Variants in TEX101 observed in about 807,000 individuals in gnomAD.
TEX101 encodes testis expressed 101.
TEX101 carries 10 observed loss-of-function variants against 18.1 expected under a neutral mutation model. That is an observed-to-expected ratio of 0.55 (90% CI 0.34 to 0.94). TEX101 has a LOEUF of 0.94. Among genes scored for constraint, TEX101 ranks in the 40% least tolerant of loss-of-function variants. The pLI is 0.02. For missense variants in TEX101, 259 were observed against 298.9 expected (o/e 0.87, Z 0.98); for synonymous variants, 94 against 114.8 (o/e 0.82, Z 1.16).
rs1970478792 is a variant in TEX101, at chr19:43,416,420, G to C, written c.256G>C (p.Glu86Gln). 1.9e-6 allele frequency: 3 copies of C among 1,614,162 alleles called. No individual in the cohort carries two copies. Among genetic ancestry groups the C allele is most frequent in the Non-Finnish European group, 2.5e-6 (3 of 1,180,022 alleles). Residue 86 changes from glutamate to glutamine, a missense_variant, in exon 4 of 6, where the codon GAG becomes CAG. Physicochemically the swap from Glu to Gln is conservative, Grantham distance 29 (BLOSUM62 2). Coordinates refer to ENST00000598265, the MANE Select transcript of TEX101 (RefSeq NM_001130011.3). ...LATKGCIPEG[E>Q]EAITIVQHSS... is the part of the protein sequence containing the mutation. ...CACGAAGGGCTGCATCCCGGAAGGGGAGGAGGCCATAACAATTGTCCAGCA... is the reference window on the plus strand; with the variant it reads ...CACGAAGGGCTGCATCCCGGAAGGGCAGGAGGCCATAACAATTGTCCAGCA...
chr19:43,417,936 C>T lies in TEX101; in HGVS notation c.450C>T (p.Phe150=). 1 of 1,614,180 alleles carries T rather than the reference C, an allele frequency of 6.2e-7. No homozygotes were observed. Among genetic ancestry groups the T allele is most frequent in the South Asian group, 1.1e-5 (1 of 91,078 alleles). ...CCTGTGTGGCTTTGGGGACCTGTTT[C>T]AGTGCTCCTTCTCTTCCCTGTCCCA... The part of the protein sequence containing the change: ...CPTCVALGTC[F]SAPSLPCPNG... The change falls in exon 5 of 6, where the codon TTC becomes TTT. Residue 150 remains phenylalanine (F), a synonymous_variant. Transcript: ENST00000598265.
At chr19:43,404,779 C>T (rs1298627388) in intron 2 of TEX101, among the ~76,000 whole-genome samples, 1 of 150,804 alleles carries the variant, frequency 6.6e-6, no homozygotes. Flanking sequence ...TATATATATA[C>T]TTAAGTTGTG....
chr19:43,415,777 A>C (rs950186839), intron 1 of TEX101, 104 bp from the exon 2 acceptor site: 50 of 967,590 alleles, frequency 5.2e-5, no homozygotes, highest in Non-Finnish European at 7.4e-5. Context: ...AAAAAAATGC[A>C]GATTAAAACA....
At chr19:43,405,789 G>A (rs1970355930) in intron 2 of TEX101, among the ~76,000 whole-genome samples, 1 of 151,474 alleles carries the variant, frequency 6.6e-6, no homozygotes, top group Non-Finnish European at 1.5e-5. Flanking sequence ...GGTGGCATGT[G>A]CTGTAATCCC....
At chr19:43,396,385 C>T in the TEX101 span, among the ~76,000 whole-genome samples, 1 of 152,200 alleles carries the variant, frequency 6.6e-6, no homozygotes, top group Non-Finnish European at 1.5e-5. Flanking sequence ...TTCCTTAAAA[C>T]AACTCACTGT....
At chr19:43,400,231 T>C (rs1970307796), upstream of TEX101, among the ~76,000 whole-genome samples, 1 of 152,214 alleles carries the variant, frequency 6.6e-6, no homozygotes, top group Non-Finnish European at 1.5e-5. Context: ...CAGGCATGTC[T>C]CCAAGGAGTC....
At chr19:43,401,779 G>A (rs939181798) in intron 1 of TEX101, among the ~76,000 whole-genome samples, 1 of 152,080 alleles carries the variant, frequency 6.6e-6, no homozygotes, top group Non-Finnish European at 1.5e-5. Flanking sequence ...CTTGAACCCG[G>A]GAGGCGGTAA....
upstream of TEX101, among the ~76,000 whole-genome samples, chr19:43,414,022 G>A (rs1568457997): frequency 6.6e-6 from 1 of 151,996 alleles, no homozygotes; most frequent in Admixed American, 6.6e-5. Flanking sequence ...TACCTGGGAG[G>A]CTGTGGTAGG....
At position 43,418,313 on chromosome 19, in the gene TEX101, TG is replaced by T; in HGVS notation, c.670del (p.Ala224ProfsTer55). On this transcript the variant is annotated frameshift_variant, in exon 6 of 6. Transcript: ENST00000598265. LOFTEE classifies it low-confidence loss of function (END_TRUNC). ...LLTQPRKTEN[G>X]ATCLPIPVWG... is the part of the protein sequence containing the mutation. ...TCACTCAACCTCGAAAGACTGAAAATGGGGCCACCTGTCTTCCCATTCCTGT... is the reference window on the plus strand; with the variant it reads ...TCACTCAACCTCGAAAGACTGAAAATGGGCCACCTGTCTTCCCATTCCTGT... 6.2e-7 allele frequency: 1 copy of T among 1,614,140 alleles called. No homozygotes were observed. Among genetic ancestry groups the T allele is most frequent in the Non-Finnish European group, 8.5e-7 (1 of 1,180,020 alleles).
At chr19:43,390,910 G>A in the TEX101 span, among the ~76,000 whole-genome samples, 20 of 151,366 alleles carry the variant, frequency 1.3e-4, no homozygotes, top group African/African-American at 4.4e-4. Flanking sequence ...TCCTCTTTCC[G>A]CCTCCCTCCA....
At chr19:43,413,029 A>T (rs1048647104), upstream of TEX101, among the ~76,000 whole-genome samples, 4 of 152,162 alleles carry the variant, frequency 2.6e-5, no homozygotes, top group African/African-American at 9.7e-5. Context: ...AAGTAATAAT[A>T]ATAACAGCAA....
At chr19:43,392,059 G>A in the TEX101 span, among the ~76,000 whole-genome samples, 2 of 152,172 alleles carry the variant, frequency 1.3e-5, no homozygotes, top group African/African-American at 4.8e-5. Flanking sequence ...CAGAGAGACT[G>A]AGAAACACAC....
chr19:43,408,091 C>T (rs1445610292), intron 3 of TEX101, among the ~76,000 whole-genome samples: 2 of 152,240 alleles, frequency 1.3e-5, no homozygotes, highest in Non-Finnish European at 2.9e-5. Context: ...CCCATACCCC[C>T]ACCCCGGCCT....
chr19:43,390,438 CTCTTT>C, the TEX101 span, among the ~76,000 whole-genome samples: 16 of 87,302 alleles, frequency 1.8e-4, no homozygotes, highest in African/African-American at 6.0e-4. Context: ...TTCTTTTCTT[CTCTTT>C]TCTTTTCTTT....
chr19:43,406,438 T>G (rs1970363800), exon 3 of TEX101: 1 of 760,188 alleles, frequency 1.3e-6, no homozygotes, highest in Non-Finnish European at 2.4e-6. Context: ...TGAGCCTGAT[T>G]GAAAGGCGGT....
chr19:43,411,841 G>C (rs1970422177), upstream of TEX101, among the ~76,000 whole-genome samples: 1 of 152,044 alleles, frequency 6.6e-6, no homozygotes, highest in Non-Finnish European at 1.5e-5. Flanking sequence ...AGCAGAGACA[G>C]GGTTTCACCG....
chr19:43,403,046 T>C (rs1970331673), intron 2 of TEX101, among the ~76,000 whole-genome samples: 1 of 152,182 alleles, frequency 6.6e-6, no homozygotes, highest in Non-Finnish European at 1.5e-5. Context: ...CAAAACAGCA[T>C]GCGTTAGTTC....
chr19:43,408,217 C>CGGG (rs1484706111), intron 3 of TEX101, among the ~76,000 whole-genome samples: 1 of 152,200 alleles, frequency 6.6e-6, no homozygotes, highest in Non-Finnish European at 1.5e-5. Flanking sequence ...CATGCGCTTC[C>CGGG]GGGGGTGGAG....
chr19:43,391,656 G>A, the TEX101 span, among the ~76,000 whole-genome samples: 1 of 152,154 alleles, frequency 6.6e-6, no homozygotes, highest in Non-Finnish European at 1.5e-5. Flanking sequence ...CGGGTGCACA[G>A]ACAGAAGGAT....
Sources: allele counts gnomAD v4.1 joint callset (sites outside exome capture counted in the v4.1 genomes callset), GRCh38; gene constraint gnomAD v4.1.1; transcripts MANE v1.5; gene names NCBI Gene and HGNC (gene_info 2026-07-23, HGNC 2026-07-21).